GNG2: variants seen among roughly 807,000 people sequenced by gnomAD.
GNG2 encodes the protein G protein subunit gamma 2.
GNG2 carries 5 observed loss-of-function variants against 5.5 expected under a neutral mutation model. The observed-to-expected ratio is 0.91, with a 90% CI of 0.48 to 1.92. The LOEUF is 1.92. GNG2 is among the 30% of genes most tolerant of loss of function. The pLI is 0.01. For synonymous variants in GNG2, 28 were observed against 32.0 expected, an observed-to-expected ratio of 0.88 and a Z score of 0.42; for missense variants, 55 against 88.4, an observed-to-expected ratio of 0.62 and a Z score of 1.52.
At chr14:51,915,142 C>T (rs1886539002) in intron 2 of GNG2, among the ~76,000 whole-genome samples, 2 of 152,210 alleles carry the variant, frequency 1.3e-5, no homozygotes. Flanking sequence ...GTGTATGAAT[C>T]AATTCAGTTG....
At chr14:51,859,451 C>A (rs774877660), upstream of GNG2, among the ~76,000 whole-genome samples, 1 of 152,084 alleles carries the variant, frequency 6.6e-6, no homozygotes, top group South Asian at 2.1e-4. Flanking sequence ...TGCTGACTGG[C>A]GAAATCACTT....
chr14:51,877,875 T>C (rs1883778468), intron 2 of GNG2: 1 of 270,552 alleles, frequency 3.7e-6, no homozygotes, highest in African/African-American at 2.3e-5. Flanking sequence ...AATTTTTTCA[T>C]TTTCTTCTAA....
At chr14:51,923,982 A>AG in intron 2 of GNG2, among the ~76,000 whole-genome samples, 1 of 152,192 alleles carries the variant, frequency 6.6e-6, no homozygotes, top group East Asian at 1.9e-4. Flanking sequence ...TTCCTACCCC[A>AG]GTCTTCATTC....
At chr14:51,959,883 C>T (rs893913626) in intron 3 of GNG2, among the ~76,000 whole-genome samples, 1 of 152,134 alleles carries the variant, frequency 6.6e-6, no homozygotes, top group South Asian at 2.1e-4. Context: ...TATATAACCA[C>T]TATGTTTCAT....
upstream of GNG2, among the ~76,000 whole-genome samples, chr14:51,859,830 G>C (rs762976135): frequency 6.6e-6 from 1 of 152,148 alleles, no homozygotes; most frequent in Non-Finnish European, 1.5e-5. Context: ...ATGGGGAGAG[G>C]AGTATTCAGT....
intron 2 of GNG2, among the ~76,000 whole-genome samples, chr14:51,923,636 C>T (rs867794430): frequency 3.9e-5 from 6 of 152,012 alleles, no homozygotes; most frequent in Middle Eastern, 3.4e-3. Flanking sequence ...TTTGGCTGAC[C>T]TTAAATGGAT....
intron 2 of GNG2, among the ~76,000 whole-genome samples, chr14:51,849,943 G>A (rs148214006): frequency 1.3e-5 from 2 of 151,692 alleles, no homozygotes; most frequent in Non-Finnish European, 2.9e-5. Flanking sequence ...CCAAGTAGTT[G>A]GGACTATAGG....
intron 2 of GNG2, among the ~76,000 whole-genome samples, chr14:51,898,818 T>G (rs1368330465): frequency 6.6e-6 from 1 of 152,192 alleles, no homozygotes; most frequent in Admixed American, 6.5e-5. Flanking sequence ...CTACAGCACT[T>G]GGGTATTGTC....
At position 51,905,193 on chromosome 14, in the gene GNG2, A is replaced by G. The variant is rs1214463136; in HGVS notation, c.-30+27536A>G. On this transcript the variant is annotated intron_variant, in intron 2 of 3. Coordinates refer to ENST00000556766, the MANE Select transcript of GNG2 (RefSeq NM_053064.5). ...TGGAAATAGTTTGTCCCAAATAACT[A>G]TTTACCTTTCACTGTGGCTCCAATC... 2.0e-5 allele frequency among the ~76,000 whole-genome samples: 3 copies of G among 152,254 alleles called. No individual in the cohort carries two copies. The East Asian group carries it at 5.8e-4, about 29-fold the overall frequency.
chr14:51,943,620 C>G (rs1382658882), intron 2 of GNG2, among the ~76,000 whole-genome samples: 1 of 152,106 alleles, frequency 6.6e-6, no homozygotes, highest in Non-Finnish European at 1.5e-5. Flanking sequence ...GCATTCTTCT[C>G]CAGTAAGAAT....
intron 2 of GNG2, among the ~76,000 whole-genome samples, chr14:51,933,977 A>G (rs1887812967): frequency 6.6e-6 from 1 of 152,206 alleles, no homozygotes; most frequent in Admixed American, 6.5e-5. Context: ...AATATCTGTG[A>G]ATTTTAAATG....
chr14:51,833,313 C>T (rs1295881230), intron 2 of GNG2, among the ~76,000 whole-genome samples: 1 of 152,170 alleles, frequency 6.6e-6, no homozygotes, highest in Non-Finnish European at 1.5e-5. Context: ...AAATCTTCAT[C>T]TTTAATGGGC....
chr14:51,907,515 C>G (rs1361189202), intron 2 of GNG2, among the ~76,000 whole-genome samples: 3 of 152,190 alleles, frequency 2.0e-5, no homozygotes, highest in African/African-American at 7.2e-5. Context: ...GTCCATTCCT[C>G]TTTCATCAGA....
intron 2 of GNG2, among the ~76,000 whole-genome samples, chr14:51,854,026 G>T (rs910821015): frequency 1.3e-5 from 2 of 151,960 alleles, no homozygotes; most frequent in Non-Finnish European, 2.9e-5. Context: ...AAGTAGGCGT[G>T]CACCACCAGG....
intron 2 of GNG2, among the ~76,000 whole-genome samples, chr14:51,900,578 G>T (rs1248556796): frequency 6.7e-6 from 1 of 149,156 alleles, no homozygotes; most frequent in Non-Finnish European, 1.5e-5. Flanking sequence ...GTATGACATT[G>T]AAGGGCACAC....
chr14:51,893,698 C>T (rs1885004205), intron 2 of GNG2, among the ~76,000 whole-genome samples: 1 of 151,908 alleles, frequency 6.6e-6, no homozygotes, highest in Non-Finnish European at 1.5e-5. Flanking sequence ...AAATATCCTC[C>T]TTATTCTTCT....
At chr14:51,835,786 A>G (rs1352246633) in intron 2 of GNG2, among the ~76,000 whole-genome samples, 2 of 152,186 alleles carry the variant, frequency 1.3e-5, no homozygotes, top group African/African-American at 4.8e-5. Flanking sequence ...ACTTTAGCAA[A>G]AACTATATTT....
chr14:51,960,935 C>T (rs1331456106), intron 3 of GNG2, among the ~76,000 whole-genome samples: 1 of 152,112 alleles, frequency 6.6e-6, no homozygotes, highest in African/African-American at 2.4e-5. Context: ...CAGTATTCAG[C>T]CAAAGGCTCA....
chr14:51,884,427 C>T (rs1884305203), intron 2 of GNG2, among the ~76,000 whole-genome samples: 1 of 152,152 alleles, frequency 6.6e-6, no homozygotes, highest in Non-Finnish European at 1.5e-5. Context: ...TTAGATGACC[C>T]TGCAACGCAG....
Sources: gnomAD v4.1 joint callset for allele counts (sites outside exome capture counted in the v4.1 genomes callset) on GRCh38, gnomAD v4.1.1 for gene constraint, MANE v1.5 for transcripts, NCBI Gene and HGNC (gene_info 2026-07-23, HGNC 2026-07-21) for gene names.